Variants in ILF2 observed in about 807,000 individuals in gnomAD.
ILF2 encodes interleukin enhancer-binding factor 2.
Under a neutral mutation model 55.3 loss-of-function variants are expected in ILF2, and 9 were observed. That is an observed-to-expected ratio of 0.16 (90% CI 0.10 to 0.28). The LOEUF (loss-of-function observed/expected upper bound fraction) is 0.28. Among genes scored for constraint, ILF2 ranks in the 10% least tolerant of loss-of-function variants. The probability of loss-of-function intolerance (pLI) is 1.00; values close to 1 mark genes in which losing one functional copy is unlikely to be tolerated. For missense variants in ILF2, 266 were observed against 474.9 expected (o/e 0.56, Z 4.09); for synonymous variants, 151 against 161.8 (o/e 0.93, Z 0.50).
intron 7 of ILF2, 77 bp from the exon 8 acceptor site, chr1:153,665,413 A>G: frequency 1.0e-6 from 1 of 977,708 alleles, no homozygotes; most frequent in South Asian, 1.3e-5. Context: ...GGTGGGGGGG[A>G]ACAGGTGGAT....
At chr1:153,664,298 C>T (rs1669250846) in intron 9 of ILF2, 98 bp downstream of exon 9, 2 of 1,150,932 alleles carry the variant, frequency 1.7e-6, no homozygotes, top group Non-Finnish European at 2.6e-6. Context: ...CACGAGGTCA[C>T]AGGCAAAATA....
intron 6 of ILF2, among the ~76,000 whole-genome samples, chr1:153,666,461 C>A (rs1404341798): frequency 6.6e-6 from 1 of 152,124 alleles, no homozygotes. Context: ...CCACTGCACC[C>A]GGCCCCACCT....
chr1:153,664,233 C>T, intron 9 of ILF2, 103 bp from the exon 10 acceptor site: 1 of 958,096 alleles, frequency 1.0e-6, no homozygotes, highest in Non-Finnish European at 1.6e-6. Context: ...ACTATACATT[C>T]TCTGCTTTCT....
At chr1:153,670,071 C>A in intron 2 of ILF2, 100 bp downstream of exon 2, 1 of 1,316,600 alleles carries the variant, frequency 7.6e-7, no homozygotes. Flanking sequence ...ACAGTTGGCT[C>A]TCGCAAAACC....
chr1:153,665,541 C>T (rs1321534972), intron 7 of ILF2, 122 bp downstream of exon 7: 3 of 954,332 alleles, frequency 3.1e-6, no homozygotes, highest in Non-Finnish European at 5.1e-6. Context: ...AAAACTCCCA[C>T]AACATAAAAC....
In ILF2 at chr1:153,670,923, G is replaced by C; in HGVS notation, c.-1C>G. 6.2e-7 allele frequency: 1 copy of C among 1,614,180 alleles called. No individual in the cohort carries two copies. The highest frequency in any genetic ancestry group is 8.5e-7 in the Non-Finnish European group (1 of 1,180,018). On this transcript the variant is annotated 5_prime_UTR_variant, in exon 1 of 14. Coordinates refer to ENST00000361891, the MANE Select transcript of ILF2 (RefSeq NM_004515.4). The stretch of plus-strand genomic sequence containing the variant: ...GACCGCTTCGACCCACTTACCTCAT[G>C]GCGCCTTAAAACACGAACAATGGAG...
intron 6 of ILF2, 127 bp from the exon 7 acceptor site, chr1:153,665,855 A>G (rs1323383450): frequency 1.4e-6 from 1 of 701,392 alleles, no homozygotes; most frequent in Non-Finnish European, 2.4e-6. Flanking sequence ...AAGTAATAGA[A>G]TATATACTTT....
At chr1:153,666,202 G>C (rs1017316579) in intron 6 of ILF2, among the ~76,000 whole-genome samples, 3 of 149,860 alleles carry the variant, frequency 2.0e-5, no homozygotes, top group Non-Finnish European at 3.0e-5. Flanking sequence ...TCTTATTTTT[G>C]AGACAGGGCC....
chr1:153,664,500 G>C, intron 8 of ILF2, 26 bp from the exon 9 acceptor site: 1 of 1,559,762 alleles, frequency 6.4e-7, no homozygotes, highest in Non-Finnish European at 8.8e-7. Flanking sequence ...TGATATGCCA[G>C]GATGAAACAT....
At position 153,664,029 on chromosome 1, in the gene ILF2, C is replaced by T; in HGVS notation, c.744+14G>A. On this transcript the variant is annotated intron_variant, in intron 10 of 13. Transcript: ENST00000361891. Reference sequence around the variant, plus strand: ...AAGGATGATGAGGAACTCCAATTGCCCATCTTTACTTACTAGTAGGTCAAG... The same window carrying T: ...AAGGATGATGAGGAACTCCAATTGCTCATCTTTACTTACTAGTAGGTCAAG... 6.5e-7 allele frequency: 1 copy of T among 1,531,878 alleles called. No homozygotes were observed. Among genetic ancestry groups the T allele is most frequent in the Non-Finnish European group, 9.0e-7 (1 of 1,109,066 alleles). The allele number at this position is 1,531,878 out of a possible 1,614,324, so 94.9% of individuals were successfully genotyped here.
intron 1 of ILF2, 26 bp downstream of exon 1, chr1:153,670,892 C>T (rs1669452792): frequency 6.2e-7 from 1 of 1,614,064 alleles, no homozygotes; most frequent in South Asian, 1.1e-5. Flanking sequence ...ATACCTGAAA[C>T]CTTTCGACCG....
intron 3 of ILF2, 153 bp from the exon 4 acceptor site, chr1:153,668,710 C>T: frequency 3.4e-6 from 3 of 891,870 alleles, no homozygotes; most frequent in Non-Finnish European, 5.0e-6. Context: ...GGCGTGGTGG[C>T]TCACACCTGT....
intron 3 of ILF2, among the ~76,000 whole-genome samples, chr1:153,668,815 T>C (rs149526936): frequency 3.9e-5 from 6 of 151,940 alleles, no homozygotes; most frequent in African/African-American, 1.5e-4. Context: ...AGAGAATCCC[T>C]TGAACACAGG....
chr1:153,665,385 G>A, intron 7 of ILF2, 49 bp from the exon 8 acceptor site: 1 of 1,258,990 alleles, frequency 7.9e-7, no homozygotes, highest in East Asian at 2.3e-5. Flanking sequence ...TCCATTAGAT[G>A]ATCAAAGTTA....
chr1:153,662,900 CAA>C (rs1285718870), intron 12 of ILF2, 105 bp from the exon 13 acceptor site: 17 of 1,312,604 alleles, frequency 1.3e-5, no homozygotes, highest in Non-Finnish European at 1.9e-5. Context: ...ATCTCAGGAC[CAA>C]AGTCTTTCAG....
At chr1:153,665,125 T>A in intron 8 of ILF2, 95 bp downstream of exon 8, 1 of 762,100 alleles carries the variant, frequency 1.3e-6, no homozygotes, top group South Asian at 1.5e-5. Context: ...GGAAGCTGCA[T>A]GTGGAATAGC....
chr1:153,669,010 G>T (rs981115434), intron 3 of ILF2, among the ~76,000 whole-genome samples: 1 of 152,148 alleles, frequency 6.6e-6, no homozygotes, highest in Non-Finnish European at 1.5e-5. Context: ...TTCAAGATCA[G>T]CCTGGGCAAC....
chr1:153,664,000 A>ACT (rs1208464816), intron 10 of ILF2, 43 bp downstream of exon 10: 1 of 1,005,148 alleles, frequency 9.9e-7, no homozygotes. Flanking sequence ...TACTACTAGT[A>ACT]AATAAGGATG....
chr1:153,666,622 G>A (rs1206622473), intron 6 of ILF2, among the ~76,000 whole-genome samples: 1 of 152,198 alleles, frequency 6.6e-6, no homozygotes, highest in Admixed American at 6.5e-5. Context: ...AAAGTGCTGG[G>A]AATACAGCCA....
Sources: gnomAD v4.1 joint callset for allele counts (sites outside exome capture counted in the v4.1 genomes callset) on GRCh38, gnomAD v4.1.1 for gene constraint, MANE v1.5 for transcripts, NCBI Gene and HGNC (gene_info 2026-07-23, HGNC 2026-07-21) for gene names.